Variants in MED30 observed in about 807,000 individuals in gnomAD.
MED30 encodes the protein mediator complex subunit 30, also known as mediator of RNA polymerase II transcription subunit 30.
In MED30, 8 loss-of-function variants were observed where a neutral mutation model predicts 21.7. The ratio of observed to expected loss-of-function variants is 0.37; its 90% CI spans 0.22 to 0.67. MED30 has a LOEUF of 0.67. MED30 is among the 30% of genes least tolerant of loss of function. The pLI is 0.58. For synonymous variants in MED30, 79 were observed against 86.7 expected, an observed-to-expected ratio of 0.91 and a Z score of 0.49; for missense variants, 203 against 228.2, an observed-to-expected ratio of 0.89 and a Z score of 0.71.
At chr8:117,535,503 C>T (rs945964605) in intron 3 of MED30, among the ~76,000 whole-genome samples, 4 of 151,690 alleles carry the variant, frequency 2.6e-5, no homozygotes, top group Admixed American at 6.6e-5. Flanking sequence ...GCTGGGATTA[C>T]GGGCGTGAGC....
intron 3 of MED30, among the ~76,000 whole-genome samples, chr8:117,537,518 C>T (rs954834935): frequency 3.9e-5 from 6 of 152,158 alleles, no homozygotes; most frequent in Non-Finnish European, 7.4e-5. Flanking sequence ...CTTTGAGAAA[C>T]GCTATCCCAA....
Position 117,530,708 on chromosome 8 carries a change from G to A in MED30, c.337-15G>A, listed in dbSNP as rs1209062342. The A allele has an allele frequency of 3.8e-6, 6 of 1,594,196 alleles. No homozygotes were observed. Among genetic ancestry groups the A allele is most frequent in the Non-Finnish European group, 5.1e-6 (6 of 1,168,168 alleles). ...ATTATATTTTTGCCTTTTAATTTTT[G>A]TTAATCATTCCCAGCAACTTATTCC... On this transcript the variant is annotated splice_polypyrimidine_tract_variant and intron_variant, in intron 2 of 3. Coordinates refer to ENST00000297347, the MANE Select transcript of MED30 (RefSeq NM_080651.4).
chr8:117,520,850 C>A lies in MED30; in HGVS notation c.-27C>A. On this transcript the variant is annotated 5_prime_UTR_variant, in exon 1 of 4. Coordinates refer to ENST00000297347, the MANE Select transcript of MED30 (RefSeq NM_080651.4). The stretch of plus-strand genomic sequence containing the variant: ...ACCCCTGACACCTGCTGTCTGGCCC[C>A]TTCCGGCCTGAAGCTGCAGCCGCGC... The A allele has an allele frequency of 6.4e-7, 1 of 1,553,408 alleles. No individual in the cohort carries two copies. The highest frequency in any genetic ancestry group is 2.4e-5 in the East Asian group (1 of 41,256).
intron 3 of MED30, among the ~76,000 whole-genome samples, chr8:117,537,488 A>AG (rs1818899786): frequency 6.6e-6 from 1 of 152,114 alleles, no homozygotes; most frequent in Admixed American, 6.5e-5. Context: ...TAATTTTTTT[A>AG]ATTTAAAACT....
In MED30 at chr8:117,528,795, C is replaced by A; in HGVS notation, c.322C>A (p.Pro108Thr). ...KCNENCGGMD[P>T]IPVEQLIPYV... ...CAATGAAAACTGTGGTGGGATGGAT[C>A]CCATTCCAGTCGAGGTAATTTTTTG... The change falls in exon 2 of 4, where the codon CCC becomes ACC. Residue 108 changes from proline to threonine, a missense_variant. Pro to Thr is a conservative substitution (Grantham distance 38). Coordinates refer to ENST00000297347, the MANE Select transcript of MED30 (RefSeq NM_080651.4). 3 of 1,600,408 alleles carry A rather than the reference C, an allele frequency of 1.9e-6. No homozygotes were observed. The highest frequency in any genetic ancestry group is 1.7e-6 in the Non-Finnish European group (2 of 1,174,622).
intron 1 of MED30, among the ~76,000 whole-genome samples, chr8:117,526,514 G>A (rs1280204861): frequency 1.3e-5 from 2 of 151,970 alleles, no homozygotes; most frequent in Non-Finnish European, 2.9e-5. Context: ...GTTGAATTTA[G>A]TTGAATGCCT....
Position 117,530,735 on chromosome 8 carries a change from T to C in MED30, c.349T>C (p.Tyr117His), listed in dbSNP as rs1818781568. 1 of 1,610,480 alleles carries C rather than the reference T, an allele frequency of 6.2e-7. No homozygotes were observed. The highest frequency in any genetic ancestry group is 8.5e-7 in the Non-Finnish European group (1 of 1,177,982). Residue 117 changes from tyrosine (Y) to histidine (H), a missense_variant, in exon 3 of 4, where the codon TAT becomes CAT. Physicochemically the swap from Tyr to His is moderately conservative, Grantham distance 83. Transcript: ENST00000297347. Reference sequence around the variant, plus strand: ...TAATCATTCCCAGCAACTTATTCCATATGTGGAAGAAGATGGCTCAAAGAA... The same window carrying C: ...TAATCATTCCCAGCAACTTATTCCACATGTGGAAGAAGATGGCTCAAAGAA... Reference protein sequence around the residue: ...DPIPVEQLIPYVEEDGSKNDD... With the variant: ...DPIPVEQLIPHVEEDGSKNDD...
intron 1 of MED30, chr8:117,523,207 TA>T (rs1818657684): frequency 2.7e-6 from 2 of 749,008 alleles, no homozygotes; most frequent in Non-Finnish European, 2.2e-6. Flanking sequence ...TTTTTTTTTT[TA>T]AGTTTTTTTT....
At chr8:117,537,707 G>T (rs1034856170) in intron 3 of MED30, among the ~76,000 whole-genome samples, 7 of 152,088 alleles carry the variant, frequency 4.6e-5, no homozygotes, top group African/African-American at 1.7e-4. Context: ...AGTCTTATTG[G>T]TAGGTTATGC....
intron 3 of MED30, among the ~76,000 whole-genome samples, chr8:117,532,660 T>C (rs1406280707): frequency 1.3e-5 from 2 of 152,028 alleles, no homozygotes; most frequent in African/African-American, 4.8e-5. Flanking sequence ...TTTTTAAGTA[T>C]TTTAAAACTC....
intron 3 of MED30, among the ~76,000 whole-genome samples, chr8:117,533,031 TATA>T (rs1219925687): frequency 1.3e-5 from 2 of 152,034 alleles, no homozygotes; most frequent in African/African-American, 4.8e-5. Flanking sequence ...AAAACACCAT[TATA>T]ATAATAACTT....
intron 1 of MED30, 25 bp downstream of exon 1, chr8:117,521,078 A>G (rs964003740): frequency 1.1e-5 from 17 of 1,557,512 alleles, no homozygotes; most frequent in Non-Finnish European, 1.4e-5. Flanking sequence ...GCGCGAGGCC[A>G]GGGGGATGCA....
chr8:117,528,904 A>C (rs1275875134), intron 2 of MED30, 95 bp downstream of exon 2: 6 of 1,075,764 alleles, frequency 5.6e-6, no homozygotes, highest in East Asian at 2.7e-5. Flanking sequence ...TTTTAGCAAT[A>C]TTTCCAGGTT....
intron 3 of MED30, among the ~76,000 whole-genome samples, chr8:117,534,161 A>G (rs1388595638): frequency 2.0e-5 from 3 of 151,592 alleles, no homozygotes; most frequent in Non-Finnish European, 2.9e-5. Flanking sequence ...GTGGTTCTCC[A>G]TGGTGGATCA....
chr8:117,525,084 T>C (rs752854826), intron 1 of MED30, among the ~76,000 whole-genome samples: 2 of 152,204 alleles, frequency 1.3e-5, no homozygotes, highest in Non-Finnish European at 2.9e-5. Flanking sequence ...GATACGTTTT[T>C]AGAAATAGCT....
chr8:117,538,758 T>G (rs910041505), intron 3 of MED30, among the ~76,000 whole-genome samples: 1 of 152,192 alleles, frequency 6.6e-6, no homozygotes, highest in African/African-American at 2.4e-5. Context: ...AAAAGAAGTC[T>G]ACAAATCTTA....
intron 2 of MED30, 79 bp downstream of exon 2, chr8:117,528,888 C>T: frequency 8.5e-7 from 1 of 1,178,420 alleles, no homozygotes; most frequent in South Asian, 2.2e-5. Context: ...TTTCCTCTCT[C>T]TCCTGTTTTA....
chr8:117,534,931 A>G (rs1427955965), intron 3 of MED30, among the ~76,000 whole-genome samples: 1 of 144,898 alleles, frequency 6.9e-6, no homozygotes. Context: ...AATGTAGCAT[A>G]TTCTGTTACT....
intron 1 of MED30, chr8:117,523,647 C>T: frequency 6.3e-7 from 1 of 1,597,582 alleles, no homozygotes; most frequent in Admixed American, 1.7e-5. Context: ...TGGACACATT[C>T]TTGTCTGCCA....
Sources: gnomAD v4.1 joint callset for allele counts (sites outside exome capture counted in the v4.1 genomes callset) on GRCh38, gnomAD v4.1.1 for gene constraint, MANE v1.5 for transcripts, NCBI Gene and HGNC (gene_info 2026-07-23, HGNC 2026-07-21) for gene names.